The following FGF13 variants were observed in gnomAD, a reference collection of about 807,000 sequenced individuals.
FGF13 encodes the protein fibroblast growth factor 13.
Under a neutral mutation model 19.5 loss-of-function variants are expected in FGF13, and 2 were observed. That is an observed-to-expected ratio of 0.10 (90% CI 0.04 to 0.32). The LOEUF is 0.32. Ranked by LOEUF, FGF13 falls within the 10% of genes least tolerant of loss-of-function variation. FGF13 has a pLI of 1.00. For synonymous variants in FGF13, 72 were observed against 76.9 expected (o/e 0.94, Z 0.33); for missense variants, 113 against 192.7 (o/e 0.59, Z 2.45).
At chrX:139,035,570 G>A (rs1189070211) in intron 1 of FGF13, among the ~76,000 whole-genome samples, 1 of 111,553 alleles carries the variant, frequency 9.0e-6, no homozygotes, top group African/African-American at 3.3e-5. Context: ...TGAGGTCTGA[G>A]AGAACTTCTT....
In FGF13 at chrX:138,924,506, A is replaced by G. The variant is rs184303388; in HGVS notation, c.-112-59856T>C. ...ATGGACAATAATGAAGGCAGCAAGG[A>G]CATATAGATATGCAAATAATGAAAT... On this transcript the variant is annotated intron_variant, in intron 1 of 2. Transcript: ENST00000421460. 2.7e-5 allele frequency among the ~76,000 whole-genome samples: 3 copies of G among 112,256 alleles called. No individual in the cohort carries two copies. In the Admixed American group the frequency reaches 2.8e-4, roughly 11 times the overall value.
At chrX:138,783,862 A>C (rs1385572212) in intron 3 of FGF13, among the ~76,000 whole-genome samples, 1 of 110,586 alleles carries the variant, frequency 9.0e-6, no homozygotes, top group African/African-American at 3.3e-5. Flanking sequence ...AGACACATGC[A>C]CATGTATGTC....
intron 1 of FGF13, among the ~76,000 whole-genome samples, chrX:139,125,073 AT>A (rs1193512284): frequency 1.8e-5 from 2 of 111,661 alleles, no homozygotes; most frequent in Non-Finnish European, 3.8e-5. Flanking sequence ...AAATCTTTTA[AT>A]TTTTTTTCAA....
intron 3 of FGF13, among the ~76,000 whole-genome samples, chrX:138,774,319 C>T (rs776957375): frequency 1.8e-5 from 2 of 111,912 alleles, no homozygotes; most frequent in Non-Finnish European, 3.8e-5. Flanking sequence ...GTGACGAAGA[C>T]AGCTAAAACT....
chrX:138,893,889 G>C (rs1392811987), intron 1 of FGF13, among the ~76,000 whole-genome samples: 1 of 111,358 alleles, frequency 9.0e-6, no homozygotes, highest in East Asian at 2.8e-4. Context: ...TCAGAGTCAT[G>C]ATCTGAATGA....
intron 1 of FGF13, among the ~76,000 whole-genome samples, chrX:139,145,321 C>A (rs1328158661): frequency 9.0e-6 from 1 of 111,446 alleles, no homozygotes; most frequent in Non-Finnish European, 1.9e-5. Context: ...CAAAAACGAA[C>A]AAGTATACTT....
chrX:138,784,673 T>G (rs1470481972), intron 3 of FGF13, among the ~76,000 whole-genome samples: 3 of 111,651 alleles, frequency 2.7e-5, no homozygotes, highest in African/African-American at 9.8e-5. Flanking sequence ...AATTCTCTAA[T>G]TTTAGCAAGA....
chrX:138,789,349 T>C (rs1602855878), intron 3 of FGF13, among the ~76,000 whole-genome samples: 1 of 106,546 alleles, frequency 9.4e-6, no homozygotes, highest in African/African-American at 3.4e-5. Context: ...CCGTATTTTT[T>C]TTTTTTTTTT....
rs2090046475 is a variant in FGF13 at position 138,711,377 on chromosome X, GGA to G, written c.-376_-375del. On this transcript the variant is annotated 5_prime_UTR_variant, in exon 1 of 5. Coordinates refer to ENST00000315930, the MANE Select transcript of FGF13 (RefSeq NM_004114.5). ...CAGCTGCTCCGGTCCGAATTTCGCC[GGA>G]CCCCCTCGCCCTGTTGCCCTTCTGA... 8.7e-6 allele frequency: 5 copies of G among 571,595 alleles called. No individual in the cohort carries two copies. The African/African-American group carries it at 1.3e-4, about 15-fold the overall frequency. The allele number at this position is 571,595 out of a possible 1,213,427, so 47.1% of individuals were successfully genotyped here.
At chrX:138,941,139 T>A in intron 1 of FGF13, among the ~76,000 whole-genome samples, 1 of 111,354 alleles carries the variant, frequency 9.0e-6, no homozygotes, top group Middle Eastern at 4.6e-3. Context: ...AGCATTCCTC[T>A]TGAAAACCAG....
chrX:139,050,862 T>C (rs1318858851), intron 1 of FGF13, among the ~76,000 whole-genome samples: 1 of 112,164 alleles, frequency 8.9e-6, no homozygotes, highest in East Asian at 2.8e-4. Flanking sequence ...GTATAAAAAA[T>C]TGACCAATAC....
chrX:138,872,332 G>A (rs747056301), intron 1 of FGF13, among the ~76,000 whole-genome samples: 2 of 112,031 alleles, frequency 1.8e-5, no homozygotes, highest in African/African-American at 6.5e-5. Flanking sequence ...CTCTCCTGTG[G>A]TGTCTCATTG....
chrX:138,839,686 T>C (rs931251966), intron 3 of FGF13, among the ~76,000 whole-genome samples: 7 of 112,146 alleles, frequency 6.2e-5, no homozygotes, highest in Non-Finnish European at 1.1e-4. Flanking sequence ...GCAGTGTTTT[T>C]GTATCTAGTA....
In FGF13 at chrX:138,708,936, G is replaced by A; in HGVS notation, c.188-8C>T. 1 of 1,064,700 alleles carries A rather than the reference G, an allele frequency of 9.4e-7. No homozygotes were observed. The highest frequency in any genetic ancestry group is 3.1e-5 in the East Asian group (1 of 32,728). 87.7% of individuals were successfully genotyped at this position (1,064,700 alleles called of 1,213,427 possible). On this transcript the variant is annotated splice_polypyrimidine_tract_variant and splice_region_variant and intron_variant, in intron 1 of 4. Coordinates refer to ENST00000315930, the MANE Select transcript of FGF13 (RefSeq NM_004114.5). ...TACCCTTAAGCTGAGGCTCTGCAAA[G>A]AGAACAATGATTTGGATCAATTGAT... is the stretch of plus-strand genomic sequence containing the variant.
At chrX:139,072,276 T>TACAC (rs761988012) in intron 1 of FGF13, among the ~76,000 whole-genome samples, 1,885 of 99,056 alleles carry the variant, frequency 0.019, 50 homozygotes, top group African/African-American at 0.063. Context: ...TCTCTCTCTC[T>TACAC]ACACACACAC....
In FGF13 at chrX:138,619,754, A is replaced by G. The variant is rs948581765; in HGVS notation, c.*13096T>C. On this transcript the variant is annotated 3_prime_UTR_variant, in exon 5 of 5. Transcript: ENST00000315930. ...TGATCATTAAAGAAATGCAAATCAG[A>G]ACCACAAGGAGATACCATCTCATGC... is the stretch of plus-strand genomic sequence containing the variant. 3.6e-5 allele frequency: 4 copies of G among 112,381 alleles called. No homozygotes were observed. Among genetic ancestry groups the G allele is most frequent in the African/African-American group, 1.3e-4 (4 of 30,927 alleles). The allele number at this position is 112,381 out of a possible 1,213,427, so 9.3% of individuals were successfully genotyped here. A position where few individuals can be genotyped will look rare whatever the true frequency, so the allele number is the denominator to read the frequency against.
At chrX:139,066,747 AAAG>A (rs1208212904) in intron 1 of FGF13, among the ~76,000 whole-genome samples, 14 of 111,008 alleles carry the variant, frequency 1.3e-4, no homozygotes, top group Non-Finnish European at 2.1e-4. Context: ...AATGATAGAA[AAAG>A]AAGGACTCCT....
intron 1 of FGF13, among the ~76,000 whole-genome samples, chrX:138,975,684 G>A (rs1353443300): frequency 8.9e-6 from 1 of 111,833 alleles, no homozygotes; most frequent in African/African-American, 3.3e-5. Context: ...GAAGAATGGT[G>A]TGAGCAAAAG....
intron 2 of FGF13, among the ~76,000 whole-genome samples, chrX:138,704,701 T>C (rs909358111): frequency 8.9e-6 from 1 of 112,338 alleles, no homozygotes; most frequent in African/African-American, 3.2e-5. Flanking sequence ...CTAGGACATA[T>C]TGTACGGTTC....
Sources: gnomAD v4.1 joint callset for allele counts (sites outside exome capture counted in the v4.1 genomes callset) on GRCh38, gnomAD v4.1.1 for gene constraint, MANE v1.5 for transcripts, NCBI Gene and HGNC (gene_info 2026-07-23, HGNC 2026-07-21) for gene names.